Variants in CNOT10 observed in about 807,000 individuals in gnomAD.
CNOT10 encodes CCR4-NOT transcription complex subunit 10.
CNOT10 carries 30 observed loss-of-function variants against 94.6 expected under a neutral mutation model. The ratio of observed to expected loss-of-function variants is 0.32; its 90% confidence interval spans 0.24 to 0.43. The LOEUF (loss-of-function observed/expected upper bound fraction) is 0.43, where lower values mean the gene tolerates loss of function less well. Among genes scored for constraint, CNOT10 ranks in the 20% least tolerant of loss-of-function variants. The pLI is 1.00. For synonymous variants in CNOT10, 289 were observed against 301.6 expected (o/e 0.96, Z 0.43); for missense variants, 759 against 877.2 (o/e 0.87, Z 1.70).
At chr3:32,709,169 G>A (rs1233621931) in intron 4 of CNOT10, among the ~76,000 whole-genome samples, 1 of 152,138 alleles carries the variant, frequency 6.6e-6, no homozygotes, top group Non-Finnish European at 1.5e-5. Flanking sequence ...GGGACAGTGA[G>A]GTATTTCATT....
At chr3:32,759,099 G>C (rs1410126044) in intron 13 of CNOT10, among the ~76,000 whole-genome samples, 1 of 151,504 alleles carries the variant, frequency 6.6e-6, no homozygotes, top group Non-Finnish European at 1.5e-5. Context: ...AACTTCTATG[G>C]AAGTTAGTTC....
chr3:32,691,159 C>CT (rs34462848), intron 1 of CNOT10, among the ~76,000 whole-genome samples: 1,542 of 88,146 alleles, frequency 0.017, 56 homozygotes, highest in Admixed American at 0.042. Context: ...CCACAGCCAG[C>CT]TTTTTTTTTT....
chr3:32,699,763 T>C (rs1212438000), intron 1 of CNOT10, among the ~76,000 whole-genome samples: 2 of 151,964 alleles, frequency 1.3e-5, no homozygotes, highest in African/African-American at 2.4e-5. Context: ...GGCAGATCTA[T>C]AGAAGGAGAG....
At chr3:32,730,219 G>A (rs911585338) in intron 10 of CNOT10, among the ~76,000 whole-genome samples, 1 of 152,078 alleles carries the variant, frequency 6.6e-6, no homozygotes, top group African/African-American at 2.4e-5. Context: ...AGATTGTAAA[G>A]TTTAATATTT....
At chr3:32,736,085 T>C (rs1432240256) in intron 12 of CNOT10, among the ~76,000 whole-genome samples, 2 of 151,476 alleles carry the variant, frequency 1.3e-5, no homozygotes, top group African/African-American at 4.9e-5. Flanking sequence ...TTTTGTTTTT[T>C]GTTTGTTTGT....
intron 13 of CNOT10, among the ~76,000 whole-genome samples, chr3:32,738,704 C>T (rs1699308405): frequency 6.6e-6 from 1 of 151,926 alleles, no homozygotes; most frequent in African/African-American, 2.4e-5. Flanking sequence ...CGTCGTGATC[C>T]ACCCACCTCG....
chr3:32,731,450 A>C (rs1014368145), intron 10 of CNOT10, among the ~76,000 whole-genome samples: 1 of 152,072 alleles, frequency 6.6e-6, no homozygotes, highest in Non-Finnish European at 1.5e-5. Context: ...TTGGGATTCC[A>C]CCTGCAGGTA....
At chr3:32,694,887 C>A (rs188786981) in intron 1 of CNOT10, among the ~76,000 whole-genome samples, 2 of 152,054 alleles carry the variant, frequency 1.3e-5, no homozygotes, top group African/African-American at 4.8e-5. Flanking sequence ...CCGCGCCCAG[C>A]CTAACTTTTA....
chr3:32,752,054 C>T (rs1046843721), intron 13 of CNOT10, among the ~76,000 whole-genome samples: 3 of 152,162 alleles, frequency 2.0e-5, no homozygotes, highest in East Asian at 1.9e-4. Flanking sequence ...TTCGGAAGTT[C>T]GAGGCAGGTG....
At chr3:32,757,359 A>C (rs192359916) in intron 13 of CNOT10, among the ~76,000 whole-genome samples, 10 of 151,340 alleles carry the variant, frequency 6.6e-5, no homozygotes, top group Non-Finnish European at 1.3e-4. Flanking sequence ...TTGTATTTTT[A>C]GTAGAGATGG....
In CNOT10 at chr3:32,738,493, C is replaced by T. The variant is rs371063452; in HGVS notation, c.1595+1003C>T. Among the ~76,000 whole-genome samples the T allele has an allele frequency of 6.5e-4, 95 of 147,064 alleles. 1 individual carries two copies. The East Asian group carries it at 0.018, about 27-fold the overall frequency. On this transcript the variant is annotated intron_variant, in intron 13 of 18. Coordinates refer to ENST00000328834, the MANE Select transcript of CNOT10 (RefSeq NM_015442.3). ...TTTTTTTTTTTTTGAGATGGATTCT[C>T]GCTCTGTCTCCCAGGCTGGAGTGCA... is the stretch of plus-strand genomic sequence containing the variant.
intron 10 of CNOT10, among the ~76,000 whole-genome samples, chr3:32,728,090 G>A (rs549586285): frequency 4.1e-4 from 62 of 151,714 alleles, no homozygotes; most frequent in African/African-American, 1.4e-3. Flanking sequence ...TCCACCTCCC[G>A]GGTTCAAGCG....
intron 17 of CNOT10, chr3:32,769,647 G>C (rs573835985): frequency 1.1e-5 from 5 of 440,248 alleles, no homozygotes; most frequent in African/African-American, 9.8e-5. Context: ...ATGGTTGACT[G>C]TAGTATCGGG....
At chr3:32,700,332 TA>T (rs1697283104) in intron 1 of CNOT10, among the ~76,000 whole-genome samples, 2 of 152,186 alleles carry the variant, frequency 1.3e-5, no homozygotes, top group African/African-American at 4.8e-5. Flanking sequence ...GAAGGGATGC[TA>T]AAAACTATTT....
intron 8 of CNOT10, among the ~76,000 whole-genome samples, chr3:32,724,243 CTTTTTTT>C (rs376534412): frequency 3.2e-5 from 4 of 126,824 alleles, no homozygotes; most frequent in Non-Finnish European, 4.8e-5. Flanking sequence ...TGTTCTGTTC[CTTTTTTT>C]TTTTTTTTTT....
chr3:32,696,038 G>A (rs1200480818), intron 1 of CNOT10, among the ~76,000 whole-genome samples: 4 of 150,166 alleles, frequency 2.7e-5, no homozygotes, highest in South Asian at 2.1e-4. Context: ...GGTCTTGGCC[G>A]GGCGTGGTGA....
intron 13 of CNOT10, among the ~76,000 whole-genome samples, chr3:32,742,463 C>T (rs1190070792): frequency 6.6e-6 from 1 of 151,926 alleles, no homozygotes; most frequent in African/African-American, 2.4e-5. Flanking sequence ...CTCACTGCAA[C>T]CTCCGCCTCC....
chr3:32,753,015 A>C (rs1008936834), intron 13 of CNOT10: 7 of 488,608 alleles, frequency 1.4e-5, no homozygotes, highest in Non-Finnish European at 2.0e-5. Flanking sequence ...GGAGCTGACT[A>C]AGGCTTTGGA....
At chr3:32,721,848 T>G (rs2125552911) in intron 8 of CNOT10, among the ~76,000 whole-genome samples, 1 of 151,488 alleles carries the variant, frequency 6.6e-6, no homozygotes, top group African/African-American at 2.4e-5. Flanking sequence ...GAGACAGGGT[T>G]TCACCGTGTT....
Sources: gnomAD v4.1 joint callset for allele counts (sites outside exome capture counted in the v4.1 genomes callset) on GRCh38, gnomAD v4.1.1 for gene constraint, MANE v1.5 for transcripts, NCBI Gene and HGNC (gene_info 2026-07-23, HGNC 2026-07-21) for gene names.